ASMTL: variants seen among roughly 807,000 people sequenced by gnomAD.
ASMTL encodes acetylserotonin O-methyltransferase like, also known as probable bifunctional dTTP/UTP pyrophosphatase/methyltransferase protein.
Under a neutral mutation model 60.3 loss-of-function variants are expected in ASMTL, and 57 were observed. That is an observed-to-expected ratio of 0.95 (90% CI 0.76 to 1.18). The LOEUF (loss-of-function observed/expected upper bound fraction) is 1.18, where lower values mean the gene tolerates loss of function less well. Among genes scored for constraint, ASMTL ranks in the 50% most tolerant of loss-of-function variants. The pLI, the probability that ASMTL is intolerant of heterozygous loss-of-function variation, is 0.00. For synonymous variants in ASMTL, 419 were observed against 373.0 expected (o/e 1.12, Z -1.42); for missense variants, 981 against 852.6 (o/e 1.15, Z -1.88).
chrX:1,420,162 CCTATCT>C (rs1376770364), intron 9 of ASMTL, among the ~76,000 whole-genome samples: 6 of 151,390 alleles, frequency 4.0e-5, no homozygotes, highest in African/African-American at 1.2e-4. Flanking sequence ...TTTCTGTCTC[CCTATCT>C]CTGTCTCCGC....
chrX:1,452,986 C>T (rs1251287274), upstream of ASMTL: 1 of 616,124 alleles, frequency 1.6e-6, no homozygotes. Context: ...ACGCCCAGTC[C>T]GCGCCTTCAG....
chrX:1,423,309 A>G (rs1193795084), intron 8 of ASMTL, among the ~76,000 whole-genome samples: 1 of 151,840 alleles, frequency 6.6e-6, no homozygotes, highest in Non-Finnish European at 1.5e-5. Context: ...TCTGGCTTCT[A>G]TGTTCCAGCC....
At chrX:1,449,108 C>T (rs73623908) in intron 1 of ASMTL, among the ~76,000 whole-genome samples, 2,365 of 152,186 alleles carry the variant, frequency 0.016, 47 homozygotes, top group African/African-American at 0.053. Flanking sequence ...TCCGAGCCTG[C>T]GATAAGATTC....
intron 8 of ASMTL, among the ~76,000 whole-genome samples, chrX:1,424,425 C>T (rs1356615389): frequency 3.5e-5 from 3 of 86,478 alleles, no homozygotes; most frequent in African/African-American, 7.2e-5. Flanking sequence ...CACTCCCAAT[C>T]ATCCACCCAG....
At chrX:1,426,372 C>T (rs1425363442) in intron 7 of ASMTL, among the ~76,000 whole-genome samples, 1 of 152,160 alleles carries the variant, frequency 6.6e-6, no homozygotes, top group East Asian at 1.9e-4. Context: ...TGTTCTCTCT[C>T]CTGATGATGA....
At chrX:1,450,447 G>A (rs774123092) in intron 1 of ASMTL, among the ~76,000 whole-genome samples, 2 of 150,498 alleles carry the variant, frequency 1.3e-5, no homozygotes, top group African/African-American at 4.9e-5. Flanking sequence ...GGGGGTCCCG[G>A]GTTACTCTCC....
chrX:1,442,008 A>G (rs1363923540), intron 2 of ASMTL, 178 bp downstream of exon 2: 5 of 686,088 alleles, frequency 7.3e-6, no homozygotes, highest in African/African-American at 1.8e-5. Flanking sequence ...TGTATCATTA[A>G]TGGTATTATT....
intron 8 of ASMTL, among the ~76,000 whole-genome samples, chrX:1,424,417 C>T (rs1256962847): frequency 6.6e-6 from 1 of 151,174 alleles, no homozygotes; most frequent in African/African-American, 2.4e-5. Flanking sequence ...TTCACCCACA[C>T]TCCCAATCAT....
intron 9 of ASMTL, among the ~76,000 whole-genome samples, chrX:1,420,167 C>G (rs1297515269): frequency 2.6e-5 from 4 of 151,792 alleles, no homozygotes; most frequent in East Asian, 1.9e-4. Flanking sequence ...GTCTCCCTAT[C>G]TCTGTCTCCG....
rs187575859 is a variant in ASMTL, at chrX:1,403,690, T to C, written c.1646-201A>G. The C allele has an allele frequency of 1.7e-3, 1,002 of 603,670 alleles. 7 individuals are homozygous for C. The highest frequency in any genetic ancestry group is 0.016 in the African/African-American group (889 of 54,012). 37.4% of individuals were successfully genotyped at this position (603,670 alleles called of 1,614,324 possible). Reference sequence around the variant, plus strand: ...GGGCGGACAGACAGGGAGAAGGAGATTTGATCGAAAGATGGATGGATAGAT... The same window carrying C: ...GGGCGGACAGACAGGGAGAAGGAGACTTGATCGAAAGATGGATGGATAGAT... On this transcript the variant is annotated intron_variant, in intron 12 of 12. Transcript: ENST00000381317.
At chrX:1,404,384 G>C (rs1217955067) in intron 12 of ASMTL, among the ~76,000 whole-genome samples, 1 of 150,552 alleles carries the variant, frequency 6.6e-6, no homozygotes, top group East Asian at 2.0e-4. Context: ...GATGGTAGAT[G>C]ATGGGTAGGT....
intron 11 of ASMTL, among the ~76,000 whole-genome samples, chrX:1,415,950 A>T (rs1456060867): frequency 6.6e-6 from 1 of 152,118 alleles, no homozygotes; most frequent in African/African-American, 2.4e-5. Context: ...ACACGGACAC[A>T]TGCAGGACAC....
At chrX:1,432,558 G>A (rs1203077226) in intron 5 of ASMTL, among the ~76,000 whole-genome samples, 181 bp from the exon 6 acceptor site, 2 of 152,220 alleles carry the variant, frequency 1.3e-5, no homozygotes, top group Non-Finnish European at 2.9e-5. Context: ...GGCCGGGCGC[G>A]GTGGCTCACG....
intron 5 of ASMTL, 87 bp from the exon 6 acceptor site, chrX:1,432,464 G>A (rs1270692311): frequency 3.2e-6 from 3 of 945,406 alleles, no homozygotes; most frequent in Non-Finnish European, 5.1e-6. Flanking sequence ...CTGTGGAGGT[G>A]TGTACTCGAG....
intron 1 of ASMTL, 51 bp downstream of exon 1, chrX:1,452,697 G>C: frequency 6.7e-7 from 1 of 1,486,670 alleles, no homozygotes; most frequent in East Asian, 2.4e-5. Flanking sequence ...GCCCTCCGGG[G>C]TTCAGCCCCT....
chrX:1,428,649 A>G (rs1447673713), intron 6 of ASMTL, among the ~76,000 whole-genome samples: 1 of 150,410 alleles, frequency 6.6e-6, no homozygotes, highest in African/African-American at 2.4e-5. Context: ...TCCGTCTCAA[A>G]TAAATAAATA....
At chrX:1,413,036 G>T in intron 11 of ASMTL, 182 bp from the exon 12 acceptor site, 1 of 667,460 alleles carries the variant, frequency 1.5e-6, no homozygotes, top group Non-Finnish European at 2.6e-6. Flanking sequence ...ATGAGGAGCT[G>T]GTTAGTGATG....
At position 1,442,322 on chromosome X, in the gene ASMTL, A is replaced by C; in HGVS notation, c.94-5T>G. On this transcript the variant is annotated splice_region_variant and splice_polypyrimidine_tract_variant and intron_variant, in intron 1 of 12. Coordinates refer to ENST00000381317, the MANE Select transcript of ASMTL (RefSeq NM_004192.4). ...GACCACCTCAAACCTGAGACCCTGC[A>C]ACAGTAGAAAAGGGGTCAGAAGGGT... The C allele has an allele frequency of 6.2e-7, 1 of 1,613,848 alleles. No homozygotes were observed. Among genetic ancestry groups the C allele is most frequent in the Non-Finnish European group, 8.5e-7 (1 of 1,179,828 alleles).
In ASMTL at chrX:1,416,446, C is replaced by T. The variant is rs1278463457; in HGVS notation, c.1522+1527G>A. On this transcript the variant is annotated intron_variant, in intron 11 of 12. Coordinates refer to ENST00000381317, the MANE Select transcript of ASMTL (RefSeq NM_004192.4). Reference sequence around the variant, plus strand: ...ACAGGCACACGCACATAAACATAGACATGCACAGATGGACACGCAGACACA... The same window carrying T: ...ACAGGCACACGCACATAAACATAGATATGCACAGATGGACACGCAGACACA... 3.3e-4 allele frequency among the ~76,000 whole-genome samples: 40 copies of T among 120,724 alleles called. 2 individuals carry two copies. Among genetic ancestry groups the T allele is most frequent in the Middle Eastern group, 3.9e-3 (1 of 258 alleles). 79.2% of individuals were successfully genotyped at this position (120,724 alleles called of 152,430 possible).
Sources: allele counts gnomAD v4.1 joint callset (sites outside exome capture counted in the v4.1 genomes callset), GRCh38; gene constraint gnomAD v4.1.1; transcripts MANE v1.5; gene names NCBI Gene and HGNC (gene_info 2026-07-23, HGNC 2026-07-21).